The following NWD2 variants were observed in gnomAD, a reference collection of about 807,000 sequenced individuals.
NWD2 encodes NACHT and WD repeat domain containing 2, also known as NACHT and WD repeat domain-containing protein 2.
Under a neutral mutation model 132.7 loss-of-function variants are expected in NWD2, and 37 were observed. The ratio of observed to expected loss-of-function variants is 0.28; its 90% CI spans 0.21 to 0.37. The LOEUF (loss-of-function observed/expected upper bound fraction) is 0.37, where lower values mean the gene tolerates loss of function less well. Among genes scored for constraint, NWD2 ranks in the 10% least tolerant of loss-of-function variants. NWD2 has a pLI of 1.00. For missense variants in NWD2, 1,592 were observed against 2,122.4 expected (o/e 0.75, Z 4.91); for synonymous variants, 705 against 803.0 (o/e 0.88, Z 2.06).
intron 1 of NWD2, among the ~76,000 whole-genome samples, chr4:37,325,401 T>A (rs928275208): frequency 4.6e-5 from 7 of 152,202 alleles, no homozygotes; most frequent in African/African-American, 1.7e-4. Context: ...TGGGTGGATC[T>A]GCTATGATAG....
At chr4:37,307,961 G>A (rs1258786699) in intron 1 of NWD2, among the ~76,000 whole-genome samples, 1 of 151,722 alleles carries the variant, frequency 6.6e-6, no homozygotes, top group Non-Finnish European at 1.5e-5. Context: ...GTCCTTTTTT[G>A]TGATATCTAT....
chr4:37,335,218 G>A (rs935068816), intron 2 of NWD2, among the ~76,000 whole-genome samples: 4 of 139,384 alleles, frequency 2.9e-5, no homozygotes, highest in African/African-American at 5.4e-5. Context: ...TAGCCTTTGC[G>A]AACTACATTT....
chr4:37,254,597 C>T (rs931515428), intron 1 of NWD2, among the ~76,000 whole-genome samples: 5 of 152,178 alleles, frequency 3.3e-5, no homozygotes, highest in African/African-American at 1.2e-4. Context: ...AACTTAAAGA[C>T]ACTCTTGCAT....
intron 1 of NWD2, among the ~76,000 whole-genome samples, chr4:37,308,879 GTT>G (rs1260978258): frequency 1.7e-5 from 1 of 57,974 alleles, no homozygotes; most frequent in African/African-American, 7.5e-5. Context: ...TAGACAGGTA[GTT>G]TCACTGATGG....
At chr4:37,300,986 T>C (rs1375660532) in intron 1 of NWD2, among the ~76,000 whole-genome samples, 1 of 152,146 alleles carries the variant, frequency 6.6e-6, no homozygotes, top group East Asian at 1.9e-4. Context: ...ATTTCACACA[T>C]TGCATTTGAG....
intron 1 of NWD2, among the ~76,000 whole-genome samples, chr4:37,312,270 G>A (rs1490725711): frequency 3.3e-5 from 5 of 151,278 alleles, no homozygotes; most frequent in Middle Eastern, 6.8e-3. Flanking sequence ...AGCATGGAAT[G>A]TTCTTCCATT....
In NWD2 at chr4:37,444,553, C is replaced by A. The variant is rs896227133; in HGVS notation, c.2565C>A (p.Ile855=). ...GKTDDLLYGI[I]MNFSWLYTMI... Reference sequence around the variant, plus strand: ...CCGATGACCTGCTTTACGGCATCATCATGAACTTCAGCTGGCTTTATACCA... The same window carrying A: ...CCGATGACCTGCTTTACGGCATCATAATGAACTTCAGCTGGCTTTATACCA... The change falls in exon 7 of 7, where the codon ATC becomes ATA. Residue 855 remains isoleucine (I), a synonymous_variant. Transcript: ENST00000309447. This position sits in a 1 kb window ranked among gnomAD's most constrained non-coding sequence, Gnocchi z 4.8. The A allele has an allele frequency of 7.1e-6, 11 of 1,551,814 alleles. No individual in the cohort carries two copies. Among genetic ancestry groups the A allele is most frequent in the Non-Finnish European group, 9.6e-6 (11 of 1,147,048 alleles).
chr4:37,439,035 A>T lies in NWD2; in HGVS notation c.941A>T (p.Asn314Ile). The T allele has an allele frequency of 6.4e-7, 1 of 1,551,810 alleles. No homozygotes were observed. The highest frequency in any genetic ancestry group is 1.2e-5 in the South Asian group (1 of 84,066). ...EFIPTIVASS[N>I]LRVYTSVTHC... ...ATTCCTACTATTGTTGCATCATCTA[A>T]TCTGAGAGTGTACACATCTGTTACT... Residue 314 changes from asparagine to isoleucine, a missense_variant, in exon 6 of 7, where the codon AAT (asparagine) becomes ATT (isoleucine). Transcript: ENST00000309447. The surrounding 1 kb of genome is among the most constrained non-coding windows in gnomAD (Gnocchi z 4.5).
Position 37,449,293 on chromosome 4 carries a change from A to G in NWD2, c.*2076A>G, listed in dbSNP as rs1250100413. 6.6e-6 allele frequency: 1 copy of G among 152,234 alleles called. No individual in the cohort carries two copies. Among genetic ancestry groups the G allele is most frequent in the African/African-American group, 2.4e-5 (1 of 41,462 alleles). The allele number at this position is 152,234 out of a possible 1,614,324, so 9.4% of individuals were successfully genotyped here. A position where few individuals can be genotyped will look rare whatever the true frequency, so the allele number is the denominator to read the frequency against. On this transcript the variant is annotated 3_prime_UTR_variant, in exon 7 of 7. Transcript: ENST00000309447. ...TAGCTCATATTGAATGTTTTTATGT[A>G]AACTTTGTATCGTTGGGAAGAATTA...
chr4:37,264,185 C>T (rs1717703749), intron 1 of NWD2, among the ~76,000 whole-genome samples: 1 of 152,174 alleles, frequency 6.6e-6, no homozygotes, highest in Non-Finnish European at 1.5e-5. Flanking sequence ...TGGCTGAATT[C>T]AGATGTAATG....
intron 3 of NWD2, among the ~76,000 whole-genome samples, chr4:37,377,745 G>T (rs928661520): frequency 1.3e-5 from 2 of 151,898 alleles, no homozygotes; most frequent in East Asian, 1.9e-4. Context: ...AAAAAGAAAA[G>T]TTCAGGAGGA....
chr4:37,296,511 T>C (rs556350001), intron 1 of NWD2, among the ~76,000 whole-genome samples: 55 of 152,036 alleles, frequency 3.6e-4, no homozygotes, highest in Non-Finnish European at 6.8e-4. Flanking sequence ...CACTCAGCCA[T>C]AGAAAATAAC....
intron 3 of NWD2, among the ~76,000 whole-genome samples, chr4:37,378,009 G>A (rs977445425): frequency 1.3e-5 from 2 of 151,876 alleles, no homozygotes; most frequent in Non-Finnish European, 2.9e-5. Flanking sequence ...CCCTGTAATT[G>A]TATACAATTA....
intron 3 of NWD2, among the ~76,000 whole-genome samples, chr4:37,360,299 GT>G (rs1271386467): frequency 2.0e-5 from 3 of 151,978 alleles, no homozygotes; most frequent in Non-Finnish European, 4.4e-5. Context: ...AGAATAAAAA[GT>G]TTTCATTTAT....
In NWD2 at chr4:37,356,400, A is replaced by G. The variant is rs1283720389; in HGVS notation, c.275A>G (p.Glu92Gly). Residue 92 changes from glutamate (E) to glycine (G), a missense_variant, in exon 3 of 7, where the codon GAG (glutamate) becomes GGG (glycine). By Grantham distance (98) the Glu-to-Gly change is moderately conservative. Transcript: ENST00000309447. Reference sequence around the variant, plus strand: ...CTGTACTGGGGAGTGGAAGAAGATGAGTGGGACAGCCCAGAGCTCCAGAAG... The same window carrying G: ...CTGTACTGGGGAGTGGAAGAAGATGGGTGGGACAGCCCAGAGCTCCAGAAG... ...IDLYWGVEED[E>G]WDSPELQKTR... The G allele has an allele frequency of 1.9e-6, 3 of 1,551,220 alleles. No individual in the cohort carries two copies. Among genetic ancestry groups the G allele is most frequent in the Middle Eastern group, 1.7e-4 (1 of 6,012 alleles).
intron 2 of NWD2, among the ~76,000 whole-genome samples, chr4:37,335,464 C>G (rs767548339): frequency 6.6e-6 from 1 of 152,206 alleles, no homozygotes; most frequent in East Asian, 1.9e-4. Context: ...GTCCCTCCCC[C>G]ACTAACTGGG....
At chr4:37,358,718 G>T (rs762256855) in intron 3 of NWD2, among the ~76,000 whole-genome samples, 7 of 152,092 alleles carry the variant, frequency 4.6e-5, no homozygotes, top group Non-Finnish European at 8.8e-5. Flanking sequence ...GAAATTACAG[G>T]CAGTTTTATA....
chr4:37,366,472 T>C (rs749355002), intron 3 of NWD2, among the ~76,000 whole-genome samples: 7 of 152,018 alleles, frequency 4.6e-5, no homozygotes, highest in Non-Finnish European at 8.8e-5. Flanking sequence ...CAAGAAACTA[T>C]GACTAATTTT....
intron 1 of NWD2, among the ~76,000 whole-genome samples, chr4:37,320,349 C>A (rs1380972697): frequency 1.3e-5 from 2 of 152,142 alleles, no homozygotes; most frequent in Admixed American, 6.6e-5. Context: ...AGCATTCTAG[C>A]CTTTATCCTC....
Sources: gnomAD v4.1 joint callset for allele counts (sites outside exome capture counted in the v4.1 genomes callset) on GRCh38, gnomAD v4.1.1 for gene constraint, Gnocchi (gnomAD v3.1) non-coding constraint, MANE v1.5 for transcripts, NCBI Gene and HGNC (gene_info 2026-07-23, HGNC 2026-07-21) for gene names.